Variants in MRS2 observed in about 807,000 individuals in gnomAD.
MRS2 encodes magnesium transporter MRS2 homolog, mitochondrial.
In MRS2, 40 loss-of-function variants were observed where a neutral mutation model predicts 52.6. The observed-to-expected ratio is 0.76, with a 90% CI of 0.59 to 0.99. The LOEUF (loss-of-function observed/expected upper bound fraction) is 0.99. Ranked by LOEUF, MRS2 falls within the 50% of genes least tolerant of loss-of-function variation. MRS2 has a pLI of 0.00. For missense variants in MRS2, 472 were observed against 532.7 expected, an observed-to-expected ratio of 0.89 and a Z score of 1.12; for synonymous variants, 193 against 195.9, an observed-to-expected ratio of 0.98 and a Z score of 0.13.
intron 4 of MRS2, among the ~76,000 whole-genome samples, chr6:24,411,766 T>C (rs1761661880): frequency 6.6e-6 from 1 of 152,022 alleles, no homozygotes. Context: ...CTCGATCTCT[T>C]GACCTCATGA....
intron 1 of MRS2, 123 bp from the exon 2 acceptor site, chr6:24,405,045 T>C (rs1044184790): frequency 4.9e-6 from 3 of 606,326 alleles, no homozygotes; most frequent in South Asian, 4.5e-5. Flanking sequence ...TCTTTTCTTA[T>C]AGGAAAAATA....
intron 4 of MRS2, among the ~76,000 whole-genome samples, chr6:24,412,008 C>T (rs1257046675): frequency 6.8e-6 from 1 of 146,968 alleles, no homozygotes; most frequent in East Asian, 2.1e-4. Flanking sequence ...AAAAAAAAAA[C>T]CTTGATTTTT....
rs35874058 is a variant in MRS2 at position 24,406,104 on chromosome 6, C to CAA, written c.264+879_264+880dup. ...TGGCAGACAGAGTGAGACTCCATCT[C>CAA]AAAAAAAAAAAAAAAAAGGTGTGCC... On this transcript the variant is annotated intron_variant, in intron 2 of 10. Transcript: ENST00000378386. Among the ~76,000 whole-genome samples, 149 of 103,090 alleles carry CAA rather than the reference C, an allele frequency of 1.4e-3. 4 individuals carry two copies. Among genetic ancestry groups the CAA allele is most frequent in the East Asian group, 2.0e-3 (7 of 3,580 alleles). 67.6% of individuals were successfully genotyped at this position (103,090 alleles called of 152,430 possible).
In MRS2 at chr6:24,413,453, G is replaced by T. The variant is rs143551610; in HGVS notation, c.588+1058G>T. Among the ~76,000 whole-genome samples, 3 of 152,102 alleles carry T rather than the reference G, an allele frequency of 2.0e-5. No homozygotes were observed. The East Asian group carries it at 5.8e-4, about 29-fold the overall frequency. On this transcript the variant is annotated intron_variant, in intron 5 of 10. Transcript: ENST00000378386. ...CAAAAGGGATAAGTTTTCGAACAAG[G>T]GAAAGCTCCCCAAACCCACCTAAGG...
At chr6:24,407,795 C>A (rs962639037) in intron 2 of MRS2, among the ~76,000 whole-genome samples, 1 of 152,138 alleles carries the variant, frequency 6.6e-6, no homozygotes, top group Non-Finnish European at 1.5e-5. Context: ...TTAGGTGTTT[C>A]CTCTTCAAAA....
chr6:24,414,951 GTATT>G (rs1761798337), intron 5 of MRS2, 78 bp from the exon 6 acceptor site: 2 of 1,264,360 alleles, frequency 1.6e-6, no homozygotes, highest in Middle Eastern at 2.1e-4. Flanking sequence ...ACAGATTTCT[GTATT>G]TAATCAGAGG....
intron 1 of MRS2, 22 bp from the exon 2 acceptor site, chr6:24,405,146 A>G (rs777942854): frequency 1.9e-6 from 3 of 1,588,390 alleles, no homozygotes; most frequent in Non-Finnish European, 2.6e-6. Context: ...GACCACAGGA[A>G]TTCTCTTAAT....
Position 24,412,239 on chromosome 6 carries a change from A to C in MRS2, c.432A>C (p.Ile144=). Reference sequence around the variant, plus strand: ...TTTAACAGTATTTGAAAGCTGTGATAACTCCAGAGTGTCTTCTGATATTAG... The same window carrying C: ...TTTAACAGTATTTGAAAGCTGTGATCACTCCAGAGTGTCTTCTGATATTAG... The part of the protein sequence containing the change: ...IMRMEYLKAV[I]TPECLLILDY... The change falls in exon 5 of 11, where the codon ATA becomes ATC. Residue 144 remains isoleucine (I), a synonymous_variant. Transcript: ENST00000378386. 1 of 1,559,630 alleles carries C rather than the reference A, an allele frequency of 6.4e-7. No homozygotes were observed. Among genetic ancestry groups the C allele is most frequent in the Non-Finnish European group, 8.6e-7 (1 of 1,159,722 alleles).
At chr6:24,411,727 CGG>C (rs1165031667) in intron 4 of MRS2, among the ~76,000 whole-genome samples, 2 of 151,962 alleles carry the variant, frequency 1.3e-5, no homozygotes, top group Non-Finnish European at 2.9e-5. Flanking sequence ...TTAGTAGAGA[CGG>C]GGTTTCACCA....
intron 5 of MRS2, 150 bp from the exon 6 acceptor site, chr6:24,414,883 G>T: frequency 1.7e-6 from 1 of 594,690 alleles, no homozygotes; most frequent in African/African-American, 1.9e-5. Context: ...TGAATCATCT[G>T]GAATAGGCAT....
Position 24,407,178 on chromosome 6 carries a change from A to G in MRS2, c.265-1230A>G, listed in dbSNP as rs1172715838. ...AAATTTGTCATTTCAGGTGATTAAT[A>G]TAGTTTTATGTTACGTATATTTATT... On this transcript the variant is annotated intron_variant, in intron 2 of 10. Transcript: ENST00000378386. Among the ~76,000 whole-genome samples, 17 of 141,962 alleles carry G rather than the reference A, an allele frequency of 1.2e-4. No homozygotes were observed. The Admixed American group carries it at 1.2e-3, about 10-fold the overall frequency. 93.1% of individuals were successfully genotyped at this position (141,962 alleles called of 152,430 possible).
intron 5 of MRS2, among the ~76,000 whole-genome samples, 169 bp downstream of exon 5, chr6:24,412,564 G>GTTATGACC (rs1761703360): frequency 6.6e-6 from 1 of 152,074 alleles, no homozygotes; most frequent in Admixed American, 6.5e-5. Context: ...ATTCTTAAAT[G>GTTATGACC]TTATGACCCA....
Position 24,418,084 on chromosome 6 carries a change from T to C in MRS2, c.837T>C (p.Phe279=). 6.3e-7 allele frequency: 1 copy of C among 1,599,924 alleles called. No homozygotes were observed. Among genetic ancestry groups the C allele is most frequent in the Non-Finnish European group, 8.5e-7 (1 of 1,176,398 alleles). Residue 279 remains phenylalanine, a splice_region_variant and synonymous_variant, in exon 8 of 11, where the codon TTT becomes TTC. Transcript: ENST00000378386. ...TAATTATTTTCTCTTTTAATTGAAG[T>C]GAAAAGAGCAGTGCTGGGATTGACC... ...CVSKWSDPQV[F]EKSSAGIDHA...
At chr6:24,408,243 A>C (rs1427852889) in intron 2 of MRS2, among the ~76,000 whole-genome samples, 165 bp from the exon 3 acceptor site, 2 of 152,204 alleles carry the variant, frequency 1.3e-5, no homozygotes, top group Non-Finnish European at 2.9e-5. Context: ...CCCTTAACTC[A>C]TAACTGGATT....
chr6:24,403,093 G>A lies in MRS2; in HGVS notation c.47G>A (p.Arg16Lys). Residue 16 changes from arginine to lysine, a missense_variant, in exon 1 of 11, where the codon AGA becomes AAA. Arg to Lys is a conservative substitution (Grantham distance 26, BLOSUM62 2). Transcript: ENST00000378386. Reference protein sequence around the residue: ...SLPCLLPRAMRLPRRTLCALA... With the variant: ...SLPCLLPRAMKLPRRTLCALA... ...CCCTGCCTCCTGCCCCGCGCGATGA[G>A]ACTTCCCCGGCGGACGCTGTGTGCC... 6.2e-7 allele frequency: 1 copy of A among 1,612,368 alleles called. No individual in the cohort carries two copies. Among genetic ancestry groups the A allele is most frequent in the South Asian group, 1.1e-5 (1 of 91,026 alleles).
chr6:24,419,297 T>C (rs578065932), intron 9 of MRS2: 3 of 152,170 alleles, frequency 2.0e-5, no homozygotes, highest in Non-Finnish European at 2.9e-5. Flanking sequence ...AAATAAAATA[T>C]ATAATGTAAC....
At chr6:24,421,933 T>C (rs1048187081) in intron 9 of MRS2, among the ~76,000 whole-genome samples, 17 of 152,136 alleles carry the variant, frequency 1.1e-4, no homozygotes, top group Non-Finnish European at 5.9e-5. Context: ...CAGATCACTT[T>C]AGGCCAGGAG....
intron 2 of MRS2, among the ~76,000 whole-genome samples, chr6:24,407,305 A>T (rs1277347): frequency 6.6e-6 from 1 of 152,188 alleles, no homozygotes; most frequent in Non-Finnish European, 1.5e-5. Flanking sequence ...TTTTCCTTTA[A>T]TGTTCTATGG....
At chr6:24,407,329 ATAT>A (rs151299633) in intron 2 of MRS2, among the ~76,000 whole-genome samples, 3,046 of 152,320 alleles carry the variant, frequency 0.02, 79 homozygotes, top group African/African-American at 0.067. Flanking sequence ...TTATATATTC[ATAT>A]TAATTTTATT....
Sources: gnomAD v4.1 joint callset for allele counts (sites outside exome capture counted in the v4.1 genomes callset) on GRCh38, gnomAD v4.1.1 for gene constraint, MANE v1.5 for transcripts, NCBI Gene and HGNC (gene_info 2026-07-23, HGNC 2026-07-21) for gene names.